Variants in EHD4 observed in about 807,000 individuals in gnomAD.
The protein encoded by EHD4 is EH domain-containing protein 4.
In EHD4, 37 loss-of-function variants were observed where a neutral mutation model predicts 51.0. That is an observed-to-expected ratio of 0.73 (90% CI 0.56 to 0.95). The LOEUF (loss-of-function observed/expected upper bound fraction) is 0.95, where lower values mean the gene tolerates loss of function less well. Among genes scored for constraint, EHD4 ranks in the 40% least tolerant of loss-of-function variants. The pLI is 0.00. For missense variants in EHD4, 632 were observed against 733.1 expected (o/e 0.86, Z 1.59); for synonymous variants, 297 against 317.3 (o/e 0.94, Z 0.68).
chr15:41,954,982 T>G (rs2067877431), intron 1 of EHD4, among the ~76,000 whole-genome samples: 1 of 152,234 alleles, frequency 6.6e-6, no homozygotes, highest in African/African-American at 2.4e-5. Flanking sequence ...AACCTTTAAT[T>G]GATGTCATTG....
rs559513910 is a variant in EHD4 at position 41,964,001 on chromosome 15, C to G, written c.236+8258G>C. On this transcript the variant is annotated intron_variant, in intron 1 of 5. Transcript: ENST00000220325. ...TCTTCTAAAAATGCAAAAAATTAGC[C>G]GGGAGTGGTGGTGGGCGCCTGTAGT... Among the ~76,000 whole-genome samples the G allele has an allele frequency of 4.0e-5, 6 of 151,730 alleles. No individual in the cohort carries two copies. The East Asian group carries it at 1.2e-3, about 30-fold the overall frequency.
Position 41,898,083 on chromosome 15 carries a change from A to G in EHD4, c.*2562T>C, listed in dbSNP as rs961835279. 2 of 152,226 alleles carry G rather than the reference A, an allele frequency of 1.3e-5. No homozygotes were observed. The highest frequency in any genetic ancestry group is 4.1e-4 in the South Asian group (2 of 4,828). The allele number at this position is 152,226 out of a possible 1,614,324, so 9.4% of individuals were successfully genotyped here. ...TTTCTAGTGTTTTCTTTTCCAGTCA[A>G]CTTTTCTTGATGAATGACTGCATGT... On this transcript the variant is annotated 3_prime_UTR_variant, in exon 6 of 6. Transcript: ENST00000220325.
intron 3 of EHD4, among the ~76,000 whole-genome samples, chr15:41,929,995 C>G (rs1030595150): frequency 3.9e-5 from 6 of 152,196 alleles, no homozygotes; most frequent in Non-Finnish European, 5.9e-5. Flanking sequence ...CATTTTATTA[C>G]ATCCCTTCTA....
intron 3 of EHD4, among the ~76,000 whole-genome samples, chr15:41,925,835 G>T (rs527948909): frequency 6.6e-6 from 1 of 152,244 alleles, no homozygotes; most frequent in Non-Finnish European, 1.5e-5. Flanking sequence ...CCAATCAAGG[G>T]CTTCCCGTCA....
chr15:41,920,704 C>T (rs1362174431), intron 3 of EHD4, among the ~76,000 whole-genome samples: 1 of 152,096 alleles, frequency 6.6e-6, no homozygotes, highest in Non-Finnish European at 1.5e-5. Flanking sequence ...AGTATCGTTT[C>T]TTTAGATAAC....
intron 4 of EHD4, among the ~76,000 whole-genome samples, chr15:41,915,142 G>A (rs1258571007): frequency 1.3e-5 from 2 of 152,154 alleles, no homozygotes; most frequent in African/African-American, 4.8e-5. Flanking sequence ...CTGTGTCAGA[G>A]TGTAAGTGTG....
At chr15:41,946,950 TTAC>T (rs2067819295) in intron 2 of EHD4, among the ~76,000 whole-genome samples, 1 of 152,242 alleles carries the variant, frequency 6.6e-6, no homozygotes, top group South Asian at 2.1e-4. Flanking sequence ...TCCTCACCTC[TTAC>T]TGGGTGTCAG....
intron 2 of EHD4, among the ~76,000 whole-genome samples, chr15:41,951,547 C>T (rs1197595413): frequency 2.0e-5 from 3 of 152,174 alleles, no homozygotes; most frequent in Non-Finnish European, 2.9e-5. Context: ...CTGGTTTCTC[C>T]CTTGTGAATT....
rs143189894 is a variant in EHD4 at position 41,929,630 on chromosome 15, GGGAAGTTGGTAAAAAAA to G, written c.512-10025_512-10009del. ...GTCATTTTAGGCTCTTTGCTGGAGA[GGGAAGTTGGTAAAAAAA>G]CCTACCAAGAAAATCCTGTAAGTCC... On this transcript the variant is annotated intron_variant, in intron 3 of 5. Transcript: ENST00000220325. Among the ~76,000 whole-genome samples the G allele has an allele frequency of 9.1e-3, 1,384 of 152,232 alleles. 18 individuals carry two copies. Among genetic ancestry groups the G allele is most frequent in the African/African-American group, 0.032 (1,329 of 41,476 alleles).
intron 2 of EHD4, among the ~76,000 whole-genome samples, chr15:41,949,566 A>G (rs2067839762): frequency 6.6e-6 from 1 of 152,136 alleles, no homozygotes; most frequent in Non-Finnish European, 1.5e-5. Flanking sequence ...AGCTAAAATG[A>G]CTGAGCCCTG....
chr15:41,963,199 G>GT (rs2067937607), intron 1 of EHD4, among the ~76,000 whole-genome samples: 1 of 150,418 alleles, frequency 6.6e-6, no homozygotes, highest in African/African-American at 2.5e-5. Context: ...AGAGACCCTT[G>GT]TTCACATGTT....
intron 3 of EHD4, among the ~76,000 whole-genome samples, chr15:41,936,310 C>T (rs1323940627): frequency 6.6e-6 from 1 of 152,138 alleles, no homozygotes; most frequent in East Asian, 1.9e-4. Context: ...ACATGATTGT[C>T]AGCAAATTTC....
intron 2 of EHD4, among the ~76,000 whole-genome samples, chr15:41,949,489 T>G (rs1363770621): frequency 1.3e-5 from 2 of 152,146 alleles, no homozygotes; most frequent in Non-Finnish European, 2.9e-5. Flanking sequence ...ACCTGCGTAT[T>G]TTATGATGGG....
chr15:41,926,944 G>A (rs745774016), intron 3 of EHD4, among the ~76,000 whole-genome samples: 1 of 152,178 alleles, frequency 6.6e-6, no homozygotes, highest in Non-Finnish European at 1.5e-5. Context: ...GAACAGAACC[G>A]CCTTTCCTGT....
At chr15:41,941,325 G>A (rs1223439016) in intron 3 of EHD4, among the ~76,000 whole-genome samples, 1 of 152,196 alleles carries the variant, frequency 6.6e-6, no homozygotes, top group African/African-American at 2.4e-5. Flanking sequence ...GATGTCCAAG[G>A]TAGACTGTTA....
At chr15:41,914,416 T>C (rs2067569700) in intron 4 of EHD4, among the ~76,000 whole-genome samples, 1 of 152,046 alleles carries the variant, frequency 6.6e-6, no homozygotes, top group African/African-American at 2.4e-5. Context: ...GATGAACCCA[T>C]GGGGTAACAA....
intron 3 of EHD4, among the ~76,000 whole-genome samples, chr15:41,922,381 G>A (rs2067632240): frequency 1.3e-5 from 2 of 152,144 alleles, no homozygotes; most frequent in Non-Finnish European, 2.9e-5. Context: ...GTGAGACCCT[G>A]TCACAAAAAC....
chr15:41,937,151 C>T (rs2067736945), intron 3 of EHD4, among the ~76,000 whole-genome samples: 1 of 152,234 alleles, frequency 6.6e-6, no homozygotes, highest in South Asian at 2.1e-4. Flanking sequence ...ACCACGTCCT[C>T]CCATACCTCC....
chr15:41,919,240 G>A lies in EHD4; in HGVS notation c.894C>T (p.Asn298=), dbSNP rs752622839. The A allele has an allele frequency of 1.2e-5, 19 of 1,613,962 alleles. No individual in the cohort carries two copies. The highest frequency in any genetic ancestry group is 1.1e-4 in the East Asian group (5 of 44,902). The change falls in exon 4 of 6, where the codon AAC becomes AAT. Residue 298 remains asparagine (N), a synonymous_variant. Transcript: ENST00000220325. ...LPQKAAVRKL[N]DLIKRARLAK... ...CCAGCCTCGCTCGCTTGATGAGGTC[G>A]TTGAGCTTGCGCACCGCTGCCTTCT...
Sources: allele counts gnomAD v4.1 joint callset (sites outside exome capture counted in the v4.1 genomes callset), GRCh38; gene constraint gnomAD v4.1.1; transcripts MANE v1.5; gene names NCBI Gene and HGNC (gene_info 2026-07-23, HGNC 2026-07-21).